The following MED12L variants were observed in gnomAD, a reference collection of about 807,000 sequenced individuals.
The protein encoded by MED12L is mediator complex subunit 12L.
MED12L carries 60 observed loss-of-function variants against 281.3 expected under a neutral mutation model. That is an observed-to-expected ratio of 0.21 (90% CI 0.17 to 0.26). The LOEUF is 0.26. MED12L is among the 10% of genes least tolerant of loss of function. The pLI is 1.00. For missense variants in MED12L, 2,146 were observed against 2,680.9 expected, an observed-to-expected ratio of 0.80 and a Z score of 4.41; for synonymous variants, 974 against 987.2, an observed-to-expected ratio of 0.99 and a Z score of 0.25.
chr3:151,242,443 C>A (rs1364784108), intron 16 of MED12L, among the ~76,000 whole-genome samples: 2 of 151,872 alleles, frequency 1.3e-5, no homozygotes, highest in African/African-American at 4.8e-5. Flanking sequence ...CGGCAGACTG[C>A]CTCCTCAAGT....
At chr3:151,392,575 A>G (rs779498097) in intron 38 of MED12L, among the ~76,000 whole-genome samples, 1 of 152,044 alleles carries the variant, frequency 6.6e-6, no homozygotes, top group Non-Finnish European at 1.5e-5. Context: ...AAACAAGCAC[A>G]ATCTAAAGTT....
intron 16 of MED12L, chr3:151,198,368 C>A: frequency 8.5e-6 from 9 of 1,058,994 alleles, no homozygotes; most frequent in Non-Finnish European, 1.2e-5. Context: ...TCTTTCAAAG[C>A]TATAATTAAC....
In MED12L at chr3:151,417,484, C is replaced by G. The variant is rs533012830; in HGVS notation, c.6408+1062C>G. ...TGTTCCGCTCCCCCAGCTCCCCCCC[C>G]GCCTTTTTTTTTTTTTTTTTTTGAG... On this transcript the variant is annotated intron_variant, in intron 43 of 44. Coordinates refer to ENST00000687756, the MANE Select transcript of MED12L (RefSeq NM_001393769.1). Among the ~76,000 whole-genome samples, 420 of 87,522 alleles carry G rather than the reference C, an allele frequency of 4.8e-3. 4 individuals are homozygous for G. Among genetic ancestry groups the G allele is most frequent in the Non-Finnish European group, 7.3e-3 (318 of 43,468 alleles). The allele number at this position is 87,522 out of a possible 152,430, so 57.4% of individuals were successfully genotyped here.
chr3:151,138,375 C>T (rs1716457664), intron 5 of MED12L, among the ~76,000 whole-genome samples: 1 of 152,274 alleles, frequency 6.6e-6, no homozygotes, highest in African/African-American at 2.4e-5. Context: ...TTCTCTCACC[C>T]TTGCAAACAG....
intron 16 of MED12L, among the ~76,000 whole-genome samples, chr3:151,274,619 A>T (rs1231346121): frequency 6.6e-6 from 1 of 152,232 alleles, no homozygotes; most frequent in Non-Finnish European, 1.5e-5. Context: ...TCCCAGCTGG[A>T]TTAAGGTTAG....
At chr3:151,321,865 G>A (rs1560025709) in intron 16 of MED12L, among the ~76,000 whole-genome samples, 1 of 151,418 alleles carries the variant, frequency 6.6e-6, no homozygotes, top group Admixed American at 6.6e-5. Flanking sequence ...TTCTCTTAGT[G>A]TCCCCATCTC....
intron 16 of MED12L, among the ~76,000 whole-genome samples, chr3:151,284,783 T>C (rs1577230122): frequency 2.0e-5 from 3 of 152,264 alleles, no homozygotes; most frequent in East Asian, 3.9e-4. Context: ...TAATTTTGTA[T>C]TTTCAGTAGT....
chr3:151,355,195 C>G lies in MED12L; in HGVS notation c.2473C>G (p.Leu825Val), dbSNP rs200848773. ...FPTLETVFTK[L>V]QLLSYFDQHQ... is the part of the protein sequence containing the mutation. Reference sequence around the variant, plus strand: ...AACACTGGAGACTGTGTTCACTAAACTCCAGCTCCTTTCATATTTTGATCA... The same window carrying G: ...AACACTGGAGACTGTGTTCACTAAAGTCCAGCTCCTTTCATATTTTGATCA... Residue 825 changes from leucine (L) to valine (V), a missense_variant, in exon 18 of 45, where the codon CTC (leucine) becomes GTC (valine). Leu to Val is a conservative substitution (Grantham distance 32). This residue lies in a region of MED12L where 404 missense variants were observed against 603.5 expected (regional missense o/e 0.67). Coordinates refer to ENST00000687756, the MANE Select transcript of MED12L (RefSeq NM_001393769.1). The G allele has an allele frequency of 1.9e-6, 3 of 1,613,820 alleles. No homozygotes were observed. Among genetic ancestry groups the G allele is most frequent in the Non-Finnish European group, 1.7e-6 (2 of 1,179,840 alleles).
intron 16 of MED12L, among the ~76,000 whole-genome samples, chr3:151,311,291 A>G (rs750599290): frequency 6.6e-6 from 1 of 151,952 alleles, no homozygotes; most frequent in Non-Finnish European, 1.5e-5. Context: ...CAGAATGAAT[A>G]GTTTTTAAAA....
chr3:151,393,667 T>G (rs927325229), intron 38 of MED12L, among the ~76,000 whole-genome samples: 25 of 152,142 alleles, frequency 1.6e-4, no homozygotes, highest in African/African-American at 5.6e-4. Flanking sequence ...CAGGGGATAG[T>G]TTTGCATGAC....
intron 39 of MED12L, among the ~76,000 whole-genome samples, chr3:151,400,090 G>C (rs951433520): frequency 6.6e-6 from 1 of 152,046 alleles, no homozygotes; most frequent in Non-Finnish European, 1.5e-5. Flanking sequence ...ACCTCCTATA[G>C]TGCTGGGATT....
chr3:151,352,361 C>T (rs1395143894), intron 17 of MED12L, among the ~76,000 whole-genome samples: 4 of 152,108 alleles, frequency 2.6e-5, no homozygotes, highest in African/African-American at 4.8e-5. Context: ...GGAACCACAT[C>T]GTTGGGAGGG....
At chr3:151,391,822 A>G (rs1184620638) in intron 38 of MED12L, among the ~76,000 whole-genome samples, 1 of 152,204 alleles carries the variant, frequency 6.6e-6, no homozygotes, top group East Asian at 1.9e-4. Flanking sequence ...TATCCCCAGA[A>G]CTTAGAGGAA....
At position 151,430,316 on chromosome 3, in the gene MED12L, G is replaced by C. The variant is rs930091106; in HGVS notation, c.6426G>C (p.Leu2142Phe). The C allele has an allele frequency of 8.1e-6, 13 of 1,614,014 alleles. No individual in the cohort carries two copies. Among genetic ancestry groups the C allele is most frequent in the Admixed American group, 6.7e-5 (4 of 60,008 alleles). Residue 2142 changes from leucine to phenylalanine, a missense_variant, in exon 44 of 45, where the codon TTG (leucine) becomes TTC (phenylalanine). By Grantham distance (22) the Leu-to-Phe change is conservative. Transcript: ENST00000687756. ...CATTACAGTTTCCCAGGCAAGGCTTGCAGCAGACCCAGCAGCAGCAGCAGA... is the reference window on the plus strand; with the variant it reads ...CATTACAGTTTCCCAGGCAAGGCTTCCAGCAGACCCAGCAGCAGCAGCAGA... The part of the protein sequence containing the change: ...PQQPLFPRQG[L>F]QQTQQQQQTA...
intron 16 of MED12L, among the ~76,000 whole-genome samples, chr3:151,299,477 C>T (rs1318418792): frequency 2.9e-5 from 4 of 137,486 alleles, no homozygotes; most frequent in African/African-American, 1.1e-4. Flanking sequence ...TCCCTCTCTT[C>T]CTTTCTTCCT....
At chr3:151,207,114 G>C (rs997936791) in intron 16 of MED12L, among the ~76,000 whole-genome samples, 1 of 150,508 alleles carries the variant, frequency 6.6e-6, no homozygotes, top group African/African-American at 2.5e-5. Context: ...TGGTTATTCA[G>C]AGGTCTAATC....
At chr3:151,260,212 C>T (rs1423735208) in intron 16 of MED12L, among the ~76,000 whole-genome samples, 2 of 152,162 alleles carry the variant, frequency 1.3e-5, no homozygotes, top group Non-Finnish European at 1.5e-5. Context: ...AGAGCCGCAA[C>T]GTCACCTTAT....
intron 16 of MED12L, among the ~76,000 whole-genome samples, chr3:151,273,049 T>C (rs1049629487): frequency 6.6e-6 from 1 of 152,078 alleles, no homozygotes; most frequent in Non-Finnish European, 1.5e-5. Context: ...CTAAGTGTAA[T>C]GCAAATATTC....
rs1211313360 is a variant in MED12L, at chr3:151,432,782, A to T, written c.6521A>T (p.Tyr2174Phe). The T allele has an allele frequency of 1.2e-6, 2 of 1,613,310 alleles. No homozygotes were observed. Among genetic ancestry groups the T allele is most frequent in the Admixed American group, 1.7e-5 (1 of 59,926 alleles). ...CAGCCACAGCAAGGAGTGACTCCGT[A>T]TGGGCATCCTTCACACTTCTGAATC... Reference protein sequence around the residue: ...SNQPQQGVTPYGHPSHF With the variant: ...SNQPQQGVTPFGHPSHF The change falls in exon 45 of 45, where the codon TAT (tyrosine) becomes TTT (phenylalanine). Residue 2174 changes from tyrosine to phenylalanine, a missense_variant. Tyr to Phe is a conservative substitution (Grantham distance 22). Coordinates refer to ENST00000687756, the MANE Select transcript of MED12L (RefSeq NM_001393769.1).
Sources: allele counts gnomAD v4.1 joint callset (sites outside exome capture counted in the v4.1 genomes callset), GRCh38; gene constraint gnomAD v4.1.1; regional missense constraint gnomAD v4.1.1; transcripts MANE v1.5; gene names NCBI Gene and HGNC (gene_info 2026-07-23, HGNC 2026-07-21).